USP13: variants seen among roughly 807,000 people sequenced by gnomAD.
USP13 encodes ubiquitin carboxyl-terminal hydrolase 13.
USP13 carries 68 observed loss-of-function variants against 107.8 expected under a neutral mutation model. That is an observed-to-expected ratio of 0.63 (90% CI 0.52 to 0.77). USP13 has a LOEUF of 0.77. USP13 is among the 30% of genes least tolerant of loss of function. USP13 has a pLI of 0.00. For missense variants in USP13, 945 were observed against 1,093.3 expected (o/e 0.86, Z 1.91); for synonymous variants, 377 against 389.5 (o/e 0.97, Z 0.38).
chr3:179,767,899 A>T (rs192191820), intron 19 of USP13, among the ~76,000 whole-genome samples: 113 of 152,264 alleles, frequency 7.4e-4, no homozygotes, highest in Non-Finnish European at 4.4e-4. Context: ...GTGGGAGGGA[A>T]CTGTCTTCTT....
chr3:179,755,154 G>A lies in USP13; in HGVS notation c.1921+300G>A, dbSNP rs78078791. Among the ~76,000 whole-genome samples the A allele has an allele frequency of 4.8e-3, 726 of 152,276 alleles. 8 individuals carry two copies. Among genetic ancestry groups the A allele is most frequent in the African/African-American group, 0.017 (693 of 41,542 alleles). ...GGGAGTACCTTTGGACAACCTAAAG[G>A]GGAAATTGAACAGCGTGAGTTGGTT... On this transcript the variant is annotated intron_variant, in intron 15 of 20. Coordinates refer to ENST00000263966, the MANE Select transcript of USP13 (RefSeq NM_003940.3).
chr3:179,741,652 C>T (rs1012926588), intron 11 of USP13, among the ~76,000 whole-genome samples: 2 of 152,178 alleles, frequency 1.3e-5, no homozygotes, highest in African/African-American at 4.8e-5. Flanking sequence ...CCACTGTGCC[C>T]GGCCAACAGC....
rs1720173577 is a variant in USP13, at chr3:179,653,955, C to G, written c.168+562C>G. 6.6e-6 allele frequency among the ~76,000 whole-genome samples: 1 copy of G among 152,136 alleles called. No individual in the cohort carries two copies. Among genetic ancestry groups the G allele is most frequent in the African/African-American group, 2.4e-5 (1 of 41,434 alleles). On this transcript the variant is annotated intron_variant, in intron 1 of 20. Transcript: ENST00000263966. This position sits in a 1 kb window ranked among gnomAD's most constrained non-coding sequence, Gnocchi z 4.0. ...AGGCGCGGTGGCTCACGTCTGAAAT[C>G]CTAGCACTTTTTAAGAGGCGGAGGC...
intron 20 of USP13, 22 bp downstream of exon 20, chr3:179,781,845 A>G: frequency 6.3e-7 from 1 of 1,598,910 alleles, no homozygotes; most frequent in Non-Finnish European, 8.6e-7. Flanking sequence ...TTAGAAGGTA[A>G]ATGTTAGCTG....
chr3:179,688,083 A>ATCCATCCGTCCGTCCG (rs1711942681), intron 2 of USP13, among the ~76,000 whole-genome samples: 2 of 112,774 alleles, frequency 1.8e-5, no homozygotes, highest in African/African-American at 6.5e-5. Context: ...CAGGATATCC[A>ATCCATCCGTCCGTCCG]TCCATCCATC....
intron 16 of USP13, among the ~76,000 whole-genome samples, chr3:179,759,748 A>G (rs951158198): frequency 2.6e-5 from 4 of 152,000 alleles, no homozygotes; most frequent in African/African-American, 9.7e-5. Context: ...ATCTCAGCCC[A>G]CTGCAACCTC....
chr3:179,706,219 T>A (rs536769783), intron 4 of USP13, among the ~76,000 whole-genome samples: 1 of 152,210 alleles, frequency 6.6e-6, no homozygotes, highest in Admixed American at 6.5e-5. Flanking sequence ...GCAACCACAA[T>A]GTAAGTTTTT....
chr3:179,758,624 G>A (rs959601785), intron 16 of USP13, among the ~76,000 whole-genome samples: 5 of 150,858 alleles, frequency 3.3e-5, no homozygotes, highest in Admixed American at 1.3e-4. Flanking sequence ...TCAGCCTCCC[G>A]AGTAGCTGGG....
rs539452036 is a variant in USP13, at chr3:179,698,032, TG to T, written c.356-2975del. ...TGTTTTGCTGTTGTTTTTAGCATGT[TG>T]ATGTTGTTGACTTCCTGAAGTCCCC... On this transcript the variant is annotated intron_variant, in intron 3 of 20. Coordinates refer to ENST00000263966, the MANE Select transcript of USP13 (RefSeq NM_003940.3). Among the ~76,000 whole-genome samples the T allele has an allele frequency of 5.3e-3, 804 of 152,350 alleles. 2 individuals carry two copies. Among genetic ancestry groups the T allele is most frequent in the Admixed American group, 0.011 (163 of 15,308 alleles).
At chr3:179,764,832 A>T (rs939490813) in intron 18 of USP13, among the ~76,000 whole-genome samples, 2 of 152,188 alleles carry the variant, frequency 1.3e-5, no homozygotes, top group Non-Finnish European at 2.9e-5. Flanking sequence ...ATCTGCTCTC[A>T]ATTACTTCTT....
intron 11 of USP13, among the ~76,000 whole-genome samples, chr3:179,741,248 T>C (rs1714188120): frequency 6.7e-6 from 1 of 150,136 alleles, no homozygotes; most frequent in Admixed American, 6.6e-5. Context: ...AGAGTCTTGC[T>C]CTTGTCGCCC....
intron 10 of USP13, among the ~76,000 whole-genome samples, chr3:179,735,671 A>G (rs1258015994): frequency 6.6e-6 from 1 of 151,974 alleles, no homozygotes; most frequent in Non-Finnish European, 1.5e-5. Context: ...TTTCACCTAT[A>G]GATGTAGTTA....
At chr3:179,675,312 T>G (rs1720863377) in intron 1 of USP13, among the ~76,000 whole-genome samples, 1 of 152,232 alleles carries the variant, frequency 6.6e-6, no homozygotes, top group South Asian at 2.1e-4. Flanking sequence ...TTACCATGTT[T>G]CGTATAAGTT....
chr3:179,669,533 GC>G (rs1031788485), intron 1 of USP13, among the ~76,000 whole-genome samples: 3 of 151,914 alleles, frequency 2.0e-5, no homozygotes, highest in Non-Finnish European at 2.9e-5. Context: ...TCTGCTGTCA[GC>G]CCCCTTCCCT....
At chr3:179,751,811 C>T (rs1019431358) in intron 13 of USP13, among the ~76,000 whole-genome samples, 16 of 152,024 alleles carry the variant, frequency 1.1e-4, no homozygotes, top group Admixed American at 5.9e-4. Flanking sequence ...GCATCCTTTG[C>T]CTCTGGGGTT....
intron 1 of USP13, among the ~76,000 whole-genome samples, chr3:179,660,042 CA>C (rs910103077): frequency 6.6e-6 from 1 of 151,908 alleles, no homozygotes. Flanking sequence ...GACTCTGTCT[CA>C]AAAAACAAAC....
intron 1 of USP13, among the ~76,000 whole-genome samples, chr3:179,670,767 C>T (rs926936748): frequency 1.3e-5 from 2 of 151,844 alleles, no homozygotes; most frequent in African/African-American, 4.8e-5. Flanking sequence ...GCATGATCTC[C>T]GCTCACTGCA....
Position 179,690,294 on chromosome 3 carries a change from T to G in USP13, c.348T>G (p.Ile116Met). Residue 116 changes from isoleucine to methionine, a missense_variant, in exon 3 of 21, where the codon ATT becomes ATG. Coordinates refer to ENST00000263966, the MANE Select transcript of USP13 (RefSeq NM_003940.3). ...GALPKRRNSKIFLDLDTDDDL... is the reference protein window; with the variant it reads ...GALPKRRNSKMFLDLDTDDDL... ...TACCAAAAAGGAGGAATTCCAAGAT[T>G]TTTTTAGGTAAATAGTTATCAGTAG... is the stretch of plus-strand genomic sequence containing the variant. The G allele has an allele frequency of 6.2e-7, 1 of 1,613,954 alleles. No individual in the cohort carries two copies. The highest frequency in any genetic ancestry group is 2.2e-5 in the East Asian group (1 of 44,876).
intron 19 of USP13, among the ~76,000 whole-genome samples, chr3:179,766,964 G>A (rs1447268457): frequency 6.6e-6 from 1 of 152,138 alleles, no homozygotes; most frequent in Non-Finnish European, 1.5e-5. Context: ...TGAGATGCCT[G>A]GGACTGTAGC....
Sources: gnomAD v4.1 joint callset for allele counts (sites outside exome capture counted in the v4.1 genomes callset) on GRCh38, gnomAD v4.1.1 for gene constraint, Gnocchi (gnomAD v3.1) non-coding constraint, MANE v1.5 for transcripts, NCBI Gene and HGNC (gene_info 2026-07-23, HGNC 2026-07-21) for gene names.